KYNU: variants seen among roughly 807,000 people sequenced by gnomAD.
The protein encoded by KYNU is kynureninase.
A neutral mutation model predicts 59.2 loss-of-function variants in KYNU; 54 were observed. That is an observed-to-expected ratio of 0.91 (90% CI 0.73 to 1.14). The LOEUF (loss-of-function observed/expected upper bound fraction) is 1.14. KYNU is among the 50% of genes most tolerant of loss of function. KYNU has a pLI of 0.00. For missense variants in KYNU, 567 were observed against 554.4 expected (o/e 1.02, Z -0.23); for synonymous variants, 177 against 192.0 (o/e 0.92, Z 0.65).
chr2:142,986,651 G>C lies in KYNU; in HGVS notation c.902+630G>C, dbSNP rs553901052. Among the ~76,000 whole-genome samples, 13 of 151,826 alleles carry C rather than the reference G, an allele frequency of 8.6e-5. No individual in the cohort carries two copies. The East Asian group carries it at 2.1e-3, about 25-fold the overall frequency. ...CAAACTTACACATTTTTATTTGACT[G>C]GGGAATTCATAAGTGTTCCTTTTAC... On this transcript the variant is annotated intron_variant, in intron 10 of 13. Coordinates refer to ENST00000264170, the MANE Select transcript of KYNU (RefSeq NM_003937.3).
chr2:142,988,838 G>A, intron 10 of KYNU: 1 of 1,595,240 alleles, frequency 6.3e-7, no homozygotes. Context: ...TACTTCATTT[G>A]CATTAGGAGA....
intron 4 of KYNU, among the ~76,000 whole-genome samples, chr2:142,943,034 T>A (rs551062140): frequency 2.0e-4 from 30 of 152,138 alleles, no homozygotes; most frequent in African/African-American, 7.2e-4. Flanking sequence ...CTCACCCAAA[T>A]CCTGAGATAT....
chr2:143,007,733 A>G (rs1573894477), intron 10 of KYNU, among the ~76,000 whole-genome samples: 1 of 123,400 alleles, frequency 8.1e-6, no homozygotes. Context: ...ACAAGCCAGA[A>G]GAGAGTGGGG....
At chr2:142,969,009 T>A (rs1295584075) in intron 8 of KYNU, among the ~76,000 whole-genome samples, 1 of 152,208 alleles carries the variant, frequency 6.6e-6, no homozygotes, top group Non-Finnish European at 1.5e-5. Context: ...GCACACAATT[T>A]TTTTTATCTC....
intron 10 of KYNU, among the ~76,000 whole-genome samples, chr2:142,994,917 T>G (rs1403899459): frequency 6.6e-6 from 1 of 152,120 alleles, no homozygotes; most frequent in African/African-American, 2.4e-5. Context: ...TAAATATGCA[T>G]TTCCATATGC....
At chr2:142,937,562 G>A (rs1453046802) in intron 4 of KYNU, among the ~76,000 whole-genome samples, 4 of 151,872 alleles carry the variant, frequency 2.6e-5, no homozygotes, top group African/African-American at 9.7e-5. Context: ...GAGTCAGGCA[G>A]CCTCTCAAGC....
chr2:142,903,287 C>T (rs564974858), intron 2 of KYNU, among the ~76,000 whole-genome samples: 106 of 152,040 alleles, frequency 7.0e-4, no homozygotes, highest in Non-Finnish European at 1.1e-3. Flanking sequence ...ATTATTTGCT[C>T]GTCCATATTG....
At chr2:142,928,082 T>A (rs1482584305) in intron 4 of KYNU, among the ~76,000 whole-genome samples, 1 of 152,164 alleles carries the variant, frequency 6.6e-6, no homozygotes, top group Non-Finnish European at 1.5e-5. Flanking sequence ...TTTCTATAAT[T>A]TAACTATTTG....
intron 13 of KYNU, among the ~76,000 whole-genome samples, chr2:143,041,325 G>C (rs1687038620): frequency 6.6e-6 from 1 of 152,024 alleles, no homozygotes; most frequent in Non-Finnish European, 1.5e-5. Context: ...ACTCCCAGAT[G>C]CTGGAGACAC....
At chr2:142,920,176 CTT>C (rs921506161) in intron 3 of KYNU, among the ~76,000 whole-genome samples, 1 of 152,154 alleles carries the variant, frequency 6.6e-6, no homozygotes, top group African/African-American at 2.4e-5. Flanking sequence ...AATTTCACAA[CTT>C]GATGTAAGAA....
At chr2:142,909,682 G>A (rs1354020228) in intron 2 of KYNU, among the ~76,000 whole-genome samples, 1 of 152,108 alleles carries the variant, frequency 6.6e-6, no homozygotes, top group Non-Finnish European at 1.5e-5. Context: ...TGTACCACAT[G>A]TTCTTTATCC....
chr2:143,012,209 C>T (rs2639460), intron 10 of KYNU, among the ~76,000 whole-genome samples: 18,680 of 152,084 alleles, frequency 0.12, 1,311 homozygotes, highest in East Asian at 0.25. Flanking sequence ...GGACCAGGCA[C>T]GATGACTCAC....
At chr2:142,947,293 C>T in intron 4 of KYNU, 1 of 1,413,574 alleles carries the variant, frequency 7.1e-7, no homozygotes, top group Non-Finnish European at 9.6e-7. Flanking sequence ...TAAAACTCAC[C>T]ACTACACACC....
intron 10 of KYNU, among the ~76,000 whole-genome samples, chr2:143,000,917 C>T (rs974575329): frequency 1.3e-5 from 2 of 152,106 alleles, no homozygotes; most frequent in Non-Finnish European, 2.9e-5. Flanking sequence ...CTTGTAATTG[C>T]TTCAATATTC....
At chr2:142,927,352 C>T (rs1683076401) in intron 3 of KYNU, among the ~76,000 whole-genome samples, 1 of 151,956 alleles carries the variant, frequency 6.6e-6, no homozygotes, top group African/African-American at 2.4e-5. Context: ...TTCAAATAAT[C>T]TTAAAAATTG....
intron 2 of KYNU, among the ~76,000 whole-genome samples, chr2:142,917,630 G>T (rs1014349092): frequency 6.6e-6 from 1 of 152,142 alleles, no homozygotes; most frequent in Admixed American, 6.5e-5. Flanking sequence ...ATGGGAAATG[G>T]GGAGGCATAT....
chr2:142,937,740 T>G (rs1270333096), intron 4 of KYNU, among the ~76,000 whole-genome samples: 1 of 152,236 alleles, frequency 6.6e-6, no homozygotes, highest in Admixed American at 6.5e-5. Flanking sequence ...TCTCCTTTGA[T>G]TGGCCAAAAT....
intron 10 of KYNU, among the ~76,000 whole-genome samples, chr2:143,026,772 G>A (rs558068026): frequency 4.6e-5 from 7 of 152,344 alleles, no homozygotes; most frequent in African/African-American, 1.7e-4. Context: ...CCGCATTAGT[G>A]TTAATAGCTC....
chr2:143,036,105 G>T (rs757056363), intron 12 of KYNU, among the ~76,000 whole-genome samples: 2 of 151,866 alleles, frequency 1.3e-5, no homozygotes, highest in Non-Finnish European at 2.9e-5. Context: ...TGTTGTCCAC[G>T]TTAATCTGGA....
Sources: allele counts gnomAD v4.1 joint callset (sites outside exome capture counted in the v4.1 genomes callset), GRCh38; gene constraint gnomAD v4.1.1; transcripts MANE v1.5; gene names NCBI Gene and HGNC (gene_info 2026-07-23, HGNC 2026-07-21).